The following TBC1D5 variants were observed in gnomAD, a reference collection of about 807,000 sequenced individuals.
TBC1D5 encodes the protein TBC1 domain family member 5.
TBC1D5 carries 75 observed loss-of-function variants against 100.3 expected under a neutral mutation model. The ratio of observed to expected loss-of-function variants is 0.75; its 90% CI spans 0.62 to 0.91. TBC1D5 has a LOEUF of 0.91. Ranked by LOEUF, TBC1D5 falls within the 40% of genes least tolerant of loss-of-function variation. TBC1D5 has a pLI of 0.00. For missense variants in TBC1D5, 910 were observed against 942.4 expected (o/e 0.97, Z 0.45); for synonymous variants, 323 against 325.6 (o/e 0.99, Z 0.09).
chr3:17,735,622 A>T (rs2076903520), intron 1 of TBC1D5, among the ~76,000 whole-genome samples: 1 of 152,196 alleles, frequency 6.6e-6, no homozygotes, highest in African/African-American at 2.4e-5. Context: ...TGGGTCACAG[A>T]AGAGAACCAT....
intron 15 of TBC1D5, among the ~76,000 whole-genome samples, chr3:17,275,010 C>A (rs2079829754): frequency 6.6e-6 from 1 of 152,018 alleles, no homozygotes; most frequent in South Asian, 2.1e-4. Flanking sequence ...GCAGAGAAAA[C>A]CTGAAAACTG....
intron 1 of TBC1D5, among the ~76,000 whole-genome samples, chr3:17,669,501 TTAAC>T (rs1426585005): frequency 2.0e-5 from 3 of 152,154 alleles, no homozygotes; most frequent in Non-Finnish European, 4.4e-5. Context: ...CTAAACCTAA[TTAAC>T]TAAGATTTAC....
At chr3:17,550,356 G>C (rs1041782586) in intron 2 of TBC1D5, among the ~76,000 whole-genome samples, 2 of 152,120 alleles carry the variant, frequency 1.3e-5, no homozygotes, top group African/African-American at 4.8e-5. Flanking sequence ...TGCAGTAAAA[G>C]TTTACTTTAG....
intron 1 of TBC1D5, among the ~76,000 whole-genome samples, chr3:17,680,010 A>T (rs979496237): frequency 5.3e-5 from 8 of 151,492 alleles, no homozygotes; most frequent in Non-Finnish European, 1.2e-4. Context: ...ACCTTGTTTG[A>T]AAACTCTTAG....
chr3:17,495,185 G>A (rs1417699802), intron 3 of TBC1D5, among the ~76,000 whole-genome samples: 1 of 152,234 alleles, frequency 6.6e-6, no homozygotes, highest in Non-Finnish European at 1.5e-5. Flanking sequence ...AGGAGCCACA[G>A]ATGGAAGCTG....
chr3:17,369,679 T>C (rs1464713499), intron 13 of TBC1D5, among the ~76,000 whole-genome samples: 2 of 152,140 alleles, frequency 1.3e-5, no homozygotes, highest in South Asian at 2.1e-4. Flanking sequence ...AAGTTTCTAA[T>C]AGTCATTAAT....
intron 14 of TBC1D5, among the ~76,000 whole-genome samples, chr3:17,298,419 T>C (rs2082481494): frequency 6.6e-6 from 1 of 152,038 alleles, no homozygotes; most frequent in Non-Finnish European, 1.5e-5. Context: ...CAACCTAGGG[T>C]AGGGCTGATA....
chr3:17,480,688 G>A (rs577001795), intron 3 of TBC1D5, among the ~76,000 whole-genome samples: 12 of 152,134 alleles, frequency 7.9e-5, no homozygotes, highest in African/African-American at 2.9e-4. Context: ...CTGAGAGCTG[G>A]AGACTCATTG....
intron 2 of TBC1D5, among the ~76,000 whole-genome samples, chr3:17,525,587 C>T (rs1046263618): frequency 3.3e-5 from 5 of 151,962 alleles, no homozygotes; most frequent in African/African-American, 1.2e-4. Flanking sequence ...TACTACTGTT[C>T]AGAAAAAATC....
At chr3:17,378,278 G>C (rs1279010178) in intron 9 of TBC1D5, among the ~76,000 whole-genome samples, 1 of 151,856 alleles carries the variant, frequency 6.6e-6, no homozygotes, top group Non-Finnish European at 1.5e-5. Flanking sequence ...TCAGGGTAAA[G>C]GGGTAAAAAT....
chr3:17,498,318 A>G (rs1345059657), intron 3 of TBC1D5, among the ~76,000 whole-genome samples: 3 of 152,212 alleles, frequency 2.0e-5, no homozygotes, highest in Non-Finnish European at 4.4e-5. Context: ...TTAACAAGGA[A>G]GCCCTCATTC....
At chr3:17,268,459 A>T (rs1385818951) in intron 15 of TBC1D5, among the ~76,000 whole-genome samples, 3 of 152,058 alleles carry the variant, frequency 2.0e-5, no homozygotes, top group Admixed American at 6.6e-5. Flanking sequence ...TAAAGAAAAT[A>T]AAAAAATAGT....
chr3:17,285,090 T>C (rs997183606), intron 15 of TBC1D5, among the ~76,000 whole-genome samples: 1 of 149,984 alleles, frequency 6.7e-6, no homozygotes, highest in Non-Finnish European at 1.5e-5. Context: ...ATAGGAGTAA[T>C]GGAAACAATC....
chr3:17,407,845 G>A (rs2093813853), intron 4 of TBC1D5, among the ~76,000 whole-genome samples: 1 of 152,090 alleles, frequency 6.6e-6, no homozygotes, highest in Admixed American at 6.6e-5. Context: ...GCCCATGCTG[G>A]AAGAAATGCA....
chr3:17,313,742 G>T (rs2084323879), intron 13 of TBC1D5, among the ~76,000 whole-genome samples: 1 of 152,116 alleles, frequency 6.6e-6, no homozygotes, highest in Non-Finnish European at 1.5e-5. Flanking sequence ...TCTATTCAGG[G>T]ATGAAAGTAA....
At chr3:17,505,084 T>G (rs2095830457) in intron 3 of TBC1D5, among the ~76,000 whole-genome samples, 1 of 152,046 alleles carries the variant, frequency 6.6e-6, no homozygotes, top group African/African-American at 2.4e-5. Context: ...ATTTTATGAA[T>G]GACAATAGAA....
At chr3:17,297,225 T>C (rs1207348722) in intron 14 of TBC1D5, among the ~76,000 whole-genome samples, 2 of 152,224 alleles carry the variant, frequency 1.3e-5, no homozygotes, top group Non-Finnish European at 2.9e-5. Flanking sequence ...TTCTGTTTTC[T>C]CCACCTTCTC....
intron 1 of TBC1D5, among the ~76,000 whole-genome samples, chr3:17,694,067 C>G (rs754225708): frequency 1.9e-4 from 29 of 152,206 alleles, no homozygotes; most frequent in Non-Finnish European, 3.8e-4. Context: ...AAAAGGACAT[C>G]TACACCAAAA....
intron 18 of TBC1D5, among the ~76,000 whole-genome samples, chr3:17,208,424 A>G (rs1046181549): frequency 6.6e-6 from 1 of 152,282 alleles, no homozygotes; most frequent in African/African-American, 2.4e-5. Context: ...TATGATTCTG[A>G]CAGATCATAG....
Sources: allele counts gnomAD v4.1 joint callset (sites outside exome capture counted in the v4.1 genomes callset), GRCh38; gene constraint gnomAD v4.1.1; transcripts MANE v1.5; gene names NCBI Gene and HGNC (gene_info 2026-07-23, HGNC 2026-07-21).